TENM3: variants seen among roughly 807,000 people sequenced by gnomAD.
TENM3 encodes the protein teneurin transmembrane protein 3, also known as teneurin-3.
In TENM3, 63 loss-of-function variants were observed where a neutral mutation model predicts 255.1. The ratio of observed to expected loss-of-function variants is 0.25; its 90% CI spans 0.20 to 0.30. TENM3 has a LOEUF of 0.30. TENM3 is among the 10% of genes least tolerant of loss of function. TENM3 has a pLI of 1.00. For missense variants in TENM3, 2,929 were observed against 3,461.1 expected (o/e 0.85, Z 3.86); for synonymous variants, 1,306 against 1,322.3 (o/e 0.99, Z 0.27).
intron 3 of TENM3, among the ~76,000 whole-genome samples, chr4:182,474,477 T>C (rs930263391): frequency 6.6e-6 from 1 of 152,188 alleles, no homozygotes; most frequent in African/African-American, 2.4e-5. Context: ...TCACTTAGTC[T>C]AAGTATCCTT....
intron 3 of TENM3, among the ~76,000 whole-genome samples, chr4:182,471,459 C>T (rs1222524550): frequency 6.6e-6 from 1 of 152,130 alleles, no homozygotes; most frequent in Non-Finnish European, 1.5e-5. Context: ...AGGCTGCAAA[C>T]CTGTACAGCA....
chr4:182,093,488 C>T, the TENM3 span, among the ~76,000 whole-genome samples: 2 of 152,118 alleles, frequency 1.3e-5, no homozygotes, highest in Non-Finnish European at 2.9e-5. Flanking sequence ...GGACAAACCA[C>T]CAGCAGCCGA....
chr4:182,801,190 AATT>A lies in TENM3; in HGVS notation c.*845_*847del, dbSNP rs990508139. ...TTATCTGTTATAGCTGTACAGTATGAATTATTATATTGTAGAGATATAACAACT... is the reference window on the plus strand; with the variant it reads ...TTATCTGTTATAGCTGTACAGTATGAATTATATTGTAGAGATATAACAACT... On this transcript the variant is annotated 3_prime_UTR_variant, in exon 28 of 28. Transcript: ENST00000511685. The A allele has an allele frequency of 2.0e-5, 3 of 152,606 alleles. No individual in the cohort carries two copies. Among genetic ancestry groups the A allele is most frequent in the African/African-American group, 4.8e-5 (2 of 41,414 alleles). 9.5% of individuals were successfully genotyped at this position (152,606 alleles called of 1,614,324 possible). A position where few individuals can be genotyped will look rare whatever the true frequency, so the allele number is the denominator to read the frequency against.
the TENM3 span, among the ~76,000 whole-genome samples, chr4:181,457,679 A>G: frequency 6.6e-6 from 1 of 151,312 alleles, no homozygotes; most frequent in Non-Finnish European, 1.5e-5. Flanking sequence ...GTGACACAAG[A>G]GTTATATTCA....
the TENM3 span, among the ~76,000 whole-genome samples, chr4:181,841,077 T>C: frequency 2.0e-5 from 3 of 152,114 alleles, no homozygotes; most frequent in African/African-American, 7.2e-5. Flanking sequence ...GGAGAACCTA[T>C]AAGTAAGACT....
chr4:182,159,093 G>C (rs1750912672), intron 1 of TENM3, among the ~76,000 whole-genome samples: 1 of 152,180 alleles, frequency 6.6e-6, no homozygotes, highest in African/African-American at 2.4e-5. Flanking sequence ...TCTGAACATG[G>C]GGTTTGTAAC....
intron 1 of TENM3, among the ~76,000 whole-genome samples, chr4:182,298,140 C>G (rs184492464): frequency 6.6e-6 from 1 of 152,180 alleles, no homozygotes; most frequent in East Asian, 1.9e-4. Context: ...TAGCACCTGT[C>G]GCCACTTATA....
At chr4:182,645,415 C>T (rs1362823689) in intron 5 of TENM3, among the ~76,000 whole-genome samples, 3 of 151,940 alleles carry the variant, frequency 2.0e-5, no homozygotes, top group Non-Finnish European at 2.9e-5. Flanking sequence ...AGGACTTTGG[C>T]AAATGTCTAT....
chr4:182,152,479 T>C (rs1032564699), intron 1 of TENM3, among the ~76,000 whole-genome samples: 2 of 151,944 alleles, frequency 1.3e-5, no homozygotes, highest in Non-Finnish European at 2.9e-5. Flanking sequence ...TTTCCAAATA[T>C]GAGTAGAATA....
chr4:181,539,414 G>A, the TENM3 span, among the ~76,000 whole-genome samples: 28,327 of 152,058 alleles, frequency 0.19, 2,699 homozygotes, highest in Middle Eastern at 0.25. Context: ...ATTCTCAAAA[G>A]TAATTTTGAA....
At chr4:181,953,480 G>A in the TENM3 span, among the ~76,000 whole-genome samples, 3 of 151,960 alleles carry the variant, frequency 2.0e-5, no homozygotes, top group Non-Finnish European at 2.9e-5. Context: ...CTGCTACATC[G>A]ATGGATACAG....
At chr4:181,726,265 T>A in the TENM3 span, among the ~76,000 whole-genome samples, 1 of 151,978 alleles carries the variant, frequency 6.6e-6, no homozygotes, top group Non-Finnish European at 1.5e-5. Flanking sequence ...CCCTGGGGAG[T>A]CAAAATGAGT....
At chr4:182,160,358 G>A (rs768615946) in intron 1 of TENM3, among the ~76,000 whole-genome samples, 3 of 151,962 alleles carry the variant, frequency 2.0e-5, no homozygotes, top group African/African-American at 7.2e-5. Context: ...TCCACATTAC[G>A]GTTAGAATGA....
the TENM3 span, among the ~76,000 whole-genome samples, chr4:181,886,048 G>GTTTTTTT: frequency 7.8e-5 from 8 of 102,536 alleles, no homozygotes; most frequent in African/African-American, 1.8e-4. Context: ...TTTTTCTTGG[G>GTTTTTTT]TTTTTTTTTT....
intron 3 of TENM3, among the ~76,000 whole-genome samples, chr4:182,552,849 C>T (rs959371200): frequency 4.6e-5 from 7 of 152,092 alleles, no homozygotes; most frequent in African/African-American, 1.7e-4. Flanking sequence ...TTTTAAGTTA[C>T]ATAAAGTATT....
chr4:182,380,700 T>G (rs2150918271), intron 3 of TENM3, among the ~76,000 whole-genome samples: 1 of 152,258 alleles, frequency 6.6e-6, no homozygotes, highest in East Asian at 1.9e-4. Context: ...TTAAAATGCC[T>G]CCCAACTGTG....
chr4:182,070,724 G>A, the TENM3 span, among the ~76,000 whole-genome samples: 12 of 152,146 alleles, frequency 7.9e-5, no homozygotes, highest in Non-Finnish European at 1.5e-4. Context: ...GTTAATAAAA[G>A]GTAGCAGATT....
chr4:181,545,031 GT>G, the TENM3 span, among the ~76,000 whole-genome samples: 7 of 152,288 alleles, frequency 4.6e-5, no homozygotes, highest in Admixed American at 3.9e-4. Flanking sequence ...GCTGCTGGCA[GT>G]TTTTTGTCGG....
At chr4:181,798,028 CTCTT>C in the TENM3 span, among the ~76,000 whole-genome samples, 1 of 152,056 alleles carries the variant, frequency 6.6e-6, no homozygotes, top group African/African-American at 2.4e-5. Flanking sequence ...ATTATTTATT[CTCTT>C]TCTTGCCTAT....
Sources: gnomAD v4.1 joint callset for allele counts (sites outside exome capture counted in the v4.1 genomes callset) on GRCh38, gnomAD v4.1.1 for gene constraint, MANE v1.5 for transcripts, NCBI Gene and HGNC (gene_info 2026-07-23, HGNC 2026-07-21) for gene names.